The following NFU1 variants were observed in gnomAD, a reference collection of about 807,000 sequenced individuals.
The protein encoded by NFU1 is NFU1 iron-sulfur cluster scaffold.
In NFU1, 30 loss-of-function variants were observed where a neutral mutation model predicts 32.2. That is an observed-to-expected ratio of 0.93 (90% CI 0.70 to 1.26). The LOEUF (loss-of-function observed/expected upper bound fraction) is 1.26, where lower values mean the gene tolerates loss of function less well. Ranked by LOEUF, NFU1 falls within the 50% of genes most tolerant of loss-of-function variation. The pLI is 0.00. For synonymous variants in NFU1, 112 were observed against 104.6 expected (o/e 1.07, Z -0.43); for missense variants, 306 against 306.6 (o/e 1.00, Z 0.02).
intron 5 of NFU1, among the ~76,000 whole-genome samples, chr2:69,412,552 A>G (rs1201070961): frequency 6.6e-6 from 1 of 150,644 alleles, no homozygotes; most frequent in Non-Finnish European, 1.5e-5. Flanking sequence ...ACACCCAGCT[A>G]ATTTTTGTAT....
chr2:69,404,581 T>C (rs1428361955), intron 6 of NFU1, among the ~76,000 whole-genome samples: 2 of 149,230 alleles, frequency 1.3e-5, no homozygotes, highest in East Asian at 4.0e-4. Flanking sequence ...TTATTTTTTG[T>C]GTCAAGAACA....
In NFU1 at chr2:69,407,669, T is replaced by C. The variant is rs534030700; in HGVS notation, c.485-1587A>G. Reference sequence around the variant, plus strand: ...CAGCCTGGCTAACAGAGCAAGACTCTATCTCAAAAAAAAAAAAAAAAAGAA... The same window carrying C: ...CAGCCTGGCTAACAGAGCAAGACTCCATCTCAAAAAAAAAAAAAAAAAGAA... On this transcript the variant is annotated intron_variant, in intron 5 of 7. Transcript: ENST00000410022. Among the ~76,000 whole-genome samples, 317 of 97,874 alleles carry C rather than the reference T, an allele frequency of 3.2e-3. 6 individuals carry two copies. Among genetic ancestry groups the C allele is most frequent in the African/African-American group, 0.014 (297 of 20,972 alleles). The allele number at this position is 97,874 out of a possible 152,430, so 64.2% of individuals were successfully genotyped here.
At chr2:69,412,845 A>T (rs1672931120) in intron 5 of NFU1, among the ~76,000 whole-genome samples, 1 of 130,656 alleles carries the variant, frequency 7.7e-6, no homozygotes. Flanking sequence ...GTGACAGAGC[A>T]GGTCACTGTC....
chr2:69,426,448 G>A (rs1243199092), intron 2 of NFU1, among the ~76,000 whole-genome samples: 5 of 151,580 alleles, frequency 3.3e-5, no homozygotes, highest in Middle Eastern at 3.2e-3. Context: ...ACCAAGCCCA[G>A]CTAATTTTTG....
rs200732109 is a variant in NFU1, at chr2:69,400,385, C to T, written c.699G>A (p.Pro233=). 20 of 1,613,914 alleles carry T rather than the reference C, an allele frequency of 1.2e-5. No individual in the cohort carries two copies. Among genetic ancestry groups the T allele is most frequent in the East Asian group, 1.1e-4 (5 of 44,888 alleles). Residue 233 remains proline (P), a synonymous_variant, in exon 7 of 8, where the codon CCG becomes CCA. Transcript: ENST00000410022. ...ATACCTGTTCTACGCCTTCTACCTC[C>T]GGAATATAAAACTGCAGCATGTTCT... ...GIQNMLQFYI[P]EVEGVEQVMD...
intron 2 of NFU1, among the ~76,000 whole-genome samples, chr2:69,430,939 A>G (rs1343563138): frequency 6.6e-6 from 1 of 152,208 alleles, no homozygotes; most frequent in Non-Finnish European, 1.5e-5. Context: ...GCTCCATAAC[A>G]CATATAGGTA....
intron 2 of NFU1, among the ~76,000 whole-genome samples, chr2:69,426,599 AAT>A (rs2104801688): frequency 6.6e-6 from 1 of 152,056 alleles, no homozygotes; most frequent in East Asian, 1.9e-4. Flanking sequence ...CTTTTCTTAT[AAT>A]ATCTTTTTTC....
intron 6 of NFU1, among the ~76,000 whole-genome samples, chr2:69,404,415 CTGGGAGGCAGAGGTTGCAGTGAGCT>C (rs1177880133): frequency 6.7e-6 from 1 of 149,942 alleles, no homozygotes; most frequent in African/African-American, 2.4e-5. Context: ...TCACTTGAAC[CTGGGAGGCAGAGGTTGCAGTGAGCT>C]GATATCGTGC....
At position 69,424,198 on chromosome 2, in the gene NFU1, A is replaced by AATATATATAT. The variant is rs1177261342; in HGVS notation, c.167-491_167-482dup. On this transcript the variant is annotated intron_variant, in intron 2 of 7. Coordinates refer to ENST00000410022, the MANE Select transcript of NFU1 (RefSeq NM_001002755.4). ...AAAAAAAAAAAAAAAAAAAAAAAAA[A>AATATATATAT]ATATATATATATATATATATATCTC... Among the ~76,000 whole-genome samples, 129 of 74,498 alleles carry AATATATATAT rather than the reference A, an allele frequency of 1.7e-3. 2 individuals carry two copies. Among genetic ancestry groups the AATATATATAT allele is most frequent in the African/African-American group, 6.3e-3 (117 of 18,664 alleles). 48.9% of individuals were successfully genotyped at this position (74,498 alleles called of 152,430 possible).
chr2:69,424,500 G>C (rs929082822), intron 2 of NFU1, among the ~76,000 whole-genome samples: 3 of 151,922 alleles, frequency 2.0e-5, no homozygotes, highest in Non-Finnish European at 4.4e-5. Flanking sequence ...CTATTGCCCA[G>C]ACTGGTCCCA....
intron 7 of NFU1, among the ~76,000 whole-genome samples, chr2:69,398,197 G>C (rs772867330): frequency 4.6e-5 from 7 of 152,134 alleles, no homozygotes; most frequent in Admixed American, 2.6e-4. Context: ...TGTTGCAGAG[G>C]AACACAAAGA....
chr2:69,401,161 C>G (rs528502287), intron 6 of NFU1, among the ~76,000 whole-genome samples: 2 of 152,116 alleles, frequency 1.3e-5, no homozygotes, highest in African/African-American at 2.4e-5. Context: ...ATGCACAGTT[C>G]ACTAAGTTTT....
Position 69,425,608 on chromosome 2 carries a change from G to C in NFU1, c.167-1891C>G, listed in dbSNP as rs143320634. ...GACCTCACGTGATCCACCCACCTCAGCCTCCCAAAGTGGTGGGATTACAGG... is the reference window on the plus strand; with the variant it reads ...GACCTCACGTGATCCACCCACCTCACCCTCCCAAAGTGGTGGGATTACAGG... On this transcript the variant is annotated intron_variant, in intron 2 of 7. Coordinates refer to ENST00000410022, the MANE Select transcript of NFU1 (RefSeq NM_001002755.4). 3.8e-3 allele frequency among the ~76,000 whole-genome samples: 585 copies of C among 152,050 alleles called. 4 individuals carry two copies. The highest frequency in any genetic ancestry group is 0.013 in the African/African-American group (542 of 41,500).
chr2:69,410,071 C>A (rs1008568580), intron 5 of NFU1, among the ~76,000 whole-genome samples: 6 of 151,966 alleles, frequency 3.9e-5, no homozygotes, highest in African/African-American at 1.5e-4. Flanking sequence ...TACCCAACAC[C>A]CCAAATTAGA....
At position 69,423,206 on chromosome 2, in the gene NFU1, T is replaced by TG. The variant is rs1190182636; in HGVS notation, c.302+375dup. Among the ~76,000 whole-genome samples the TG allele has an allele frequency of 3.8e-3, 220 of 57,638 alleles. 8 individuals carry two copies. Among genetic ancestry groups the TG allele is most frequent in the African/African-American group, 0.013 (155 of 12,198 alleles). 37.8% of individuals were successfully genotyped at this position (57,638 alleles called of 152,430 possible). Reference sequence around the variant, plus strand: ...TGTGGTGAGATGGGCTGTGTGTGTGTGTGGGGGGGGGCGGGTAGAGATGGG... The same window carrying TG: ...TGTGGTGAGATGGGCTGTGTGTGTGTGGTGGGGGGGGGCGGGTAGAGATGGG... On this transcript the variant is annotated intron_variant, in intron 3 of 7. Transcript: ENST00000410022.
chr2:69,411,724 G>A (rs948052680), intron 5 of NFU1, among the ~76,000 whole-genome samples: 2 of 151,836 alleles, frequency 1.3e-5, no homozygotes, highest in Non-Finnish European at 2.9e-5. Context: ...TGTCAAGTAG[G>A]TGGGACTACA....
At chr2:69,399,395 G>T in intron 7 of NFU1, 1 of 450,904 alleles carries the variant, frequency 2.2e-6, no homozygotes, top group African/African-American at 2.0e-5. Context: ...TAGGTATGTT[G>T]GCAAAAAAAA....
intron 4 of NFU1, among the ~76,000 whole-genome samples, chr2:69,416,368 GTAA>G (rs1187678713): frequency 8.5e-5 from 11 of 129,142 alleles, no homozygotes; most frequent in Admixed American, 2.9e-4. Context: ...TAATATATTA[GTAA>G]TAATATTATT....
chr2:69,426,212 T>A (rs887148767), intron 2 of NFU1, among the ~76,000 whole-genome samples: 1 of 152,116 alleles, frequency 6.6e-6, no homozygotes, highest in African/African-American at 2.4e-5. Flanking sequence ...CCTCAGGCGA[T>A]CCATCCGCCT....
Sources: gnomAD v4.1 joint callset for allele counts (sites outside exome capture counted in the v4.1 genomes callset) on GRCh38, gnomAD v4.1.1 for gene constraint, MANE v1.5 for transcripts, NCBI Gene and HGNC (gene_info 2026-07-23, HGNC 2026-07-21) for gene names.